TNRC6C: variants seen among roughly 807,000 people sequenced by gnomAD.
TNRC6C encodes the protein trinucleotide repeat-containing gene 6C protein.
Under a neutral mutation model 153.7 loss-of-function variants are expected in TNRC6C, and 20 were observed. The ratio of observed to expected loss-of-function variants is 0.13; its 90% CI spans 0.09 to 0.19. TNRC6C has a LOEUF of 0.19. Among genes scored for constraint, TNRC6C ranks in the 10% least tolerant of loss-of-function variants. The pLI is 1.00. For synonymous variants in TNRC6C, 811 were observed against 841.4 expected (o/e 0.96, Z 0.63); for missense variants, 1,987 against 2,172.0 (o/e 0.91, Z 1.69).
chr17:78,050,887 T>C (rs2072515856), exon 3 of TNRC6C: 1 of 1,613,608 alleles, frequency 6.2e-7, no homozygotes, highest in Non-Finnish European at 8.5e-7. Context: ...CCTTGGACAC[T>C]TGGGGGATGG....
In TNRC6C at chr17:78,079,597, T is replaced by C; in HGVS notation, c.3357+56T>C. 1 of 1,591,724 alleles carries C rather than the reference T, an allele frequency of 6.3e-7. No individual in the cohort carries two copies. Among genetic ancestry groups the C allele is most frequent in the Non-Finnish European group, 8.6e-7 (1 of 1,163,558 alleles). ...ACAGGATATAGATGCCAGTGTTTCG[T>C]GGGGTCCTGTGTTATCTGGAAGTCA... is the stretch of plus-strand genomic sequence containing the variant. On this transcript the variant is annotated intron_variant, in intron 10 of 19. Coordinates refer to ENST00000301624, the Ensembl canonical transcript of TNRC6C. This position sits in a 1 kb window ranked among gnomAD's most constrained non-coding sequence, Gnocchi z 4.3.
chr17:78,033,090 G>A (rs992878800), intron 2 of TNRC6C, among the ~76,000 whole-genome samples: 1 of 152,142 alleles, frequency 6.6e-6, no homozygotes, highest in Non-Finnish European at 1.5e-5. Context: ...TAAATAGCTT[G>A]GTGTTTTAAT....
upstream of TNRC6C, among the ~76,000 whole-genome samples, chr17:78,000,611 T>TTCCTCCCCCC (rs2071395738): frequency 3.4e-5 from 1 of 29,196 alleles, no homozygotes. Context: ...TCTCTCTTTC[T>TTCCTCCCCCC]CCCTCCGCCC....
chr17:78,009,304 T>A (rs2071579751), intron 1 of TNRC6C, among the ~76,000 whole-genome samples: 2 of 152,300 alleles, frequency 1.3e-5, no homozygotes, highest in East Asian at 3.9e-4. Flanking sequence ...ATTTGTGATA[T>A]GATGACCTTG....
rs1474222365 is a variant in TNRC6C, at chr17:78,079,936, C to CCA, written c.3357+395_3357+396insCA. Reference sequence around the variant, plus strand: ...AGATTGGTGGGAGAGGAAAGTGACACGCTGTAGTATTGCTGAGGATGTAAA... The same window carrying CCA: ...AGATTGGTGGGAGAGGAAAGTGACACCAGCTGTAGTATTGCTGAGGATGTAAA... On this transcript the variant is annotated intron_variant, in intron 10 of 19. Transcript: ENST00000301624. This position sits in a 1 kb window ranked among gnomAD's most constrained non-coding sequence, Gnocchi z 4.3. Among the ~76,000 whole-genome samples the CCA allele has an allele frequency of 6.6e-6, 1 of 152,138 alleles. No homozygotes were observed. Among genetic ancestry groups the CCA allele is most frequent in the African/African-American group, 2.4e-5 (1 of 41,430 alleles).
intron 2 of TNRC6C, among the ~76,000 whole-genome samples, chr17:78,033,993 T>C (rs1364814448): frequency 1.3e-5 from 2 of 152,214 alleles, no homozygotes; most frequent in East Asian, 3.9e-4. Context: ...TCTCTCTGGC[T>C]GTGAAGGCCC....
chr17:78,052,563 C>A (rs998087886), intron 3 of TNRC6C, among the ~76,000 whole-genome samples: 1 of 152,150 alleles, frequency 6.6e-6, no homozygotes, highest in Admixed American at 6.5e-5. Context: ...GGTCTGCATG[C>A]GGGGGCCACT....
At chr17:78,094,913 T>C (rs898768368) in intron 16 of TNRC6C, among the ~76,000 whole-genome samples, 1 of 152,190 alleles carries the variant, frequency 6.6e-6, no homozygotes, top group African/African-American at 2.4e-5. Flanking sequence ...GTGTCCCTGC[T>C]GTCAGACACA....
upstream of TNRC6C, among the ~76,000 whole-genome samples, chr17:77,959,028 G>A (rs1437539501): frequency 6.9e-6 from 1 of 144,936 alleles, no homozygotes; most frequent in Non-Finnish European, 1.5e-5. Context: ...GACGCGTCGC[G>A]GCGTTGCCGG....
intron 11 of TNRC6C, among the ~76,000 whole-genome samples, chr17:78,085,002 A>G (rs1037147998): frequency 1.3e-5 from 2 of 152,198 alleles, no homozygotes; most frequent in African/African-American, 4.8e-5. Context: ...GAGGCAGTGC[A>G]CATGTGCAGT....
chr17:78,000,432 G>C (rs1203206940), upstream of TNRC6C, among the ~76,000 whole-genome samples: 1 of 152,040 alleles, frequency 6.6e-6, no homozygotes, highest in South Asian at 2.1e-4. Flanking sequence ...AATAAATTAA[G>C]ACCATAACTA....
In TNRC6C at chr17:78,075,090, C is replaced by T. The variant is rs2073060833; in HGVS notation, c.2918-46C>T. The T allele has an allele frequency of 3.1e-6, 5 of 1,600,546 alleles. No individual in the cohort carries two copies. Among genetic ancestry groups the T allele is most frequent in the East Asian group, 2.2e-5 (1 of 44,458 alleles). ...GCTGGTGCCTATCTTGTGCTCAGCA[C>T]TCACTTGTTTTGTTTACAACATTGC... On this transcript the variant is annotated intron_variant, in intron 7 of 19. Transcript: ENST00000301624. The surrounding 1 kb of genome is among the most constrained non-coding windows in gnomAD (Gnocchi z 4.2).
intron 1 of TNRC6C, among the ~76,000 whole-genome samples, chr17:77,969,555 C>T (rs922539227): frequency 6.6e-6 from 1 of 152,082 alleles, no homozygotes; most frequent in African/African-American, 2.4e-5. Flanking sequence ...CGGCAATTTC[C>T]ATTATCTTTA....
intron 1 of TNRC6C, among the ~76,000 whole-genome samples, chr17:77,973,460 A>T (rs1167076615): frequency 6.6e-6 from 1 of 152,374 alleles, no homozygotes; most frequent in Non-Finnish European, 1.5e-5. Context: ...GTTCAATGCT[A>T]TTCAGCACTG....
intron 1 of TNRC6C, among the ~76,000 whole-genome samples, chr17:77,961,653 T>C (rs1427073030): frequency 2.0e-5 from 3 of 152,218 alleles, no homozygotes; most frequent in African/African-American, 4.8e-5. Context: ...GAGTAGCATA[T>C]GTCTTAACAC....
upstream of TNRC6C, among the ~76,000 whole-genome samples, chr17:78,002,473 T>C (rs1200238172): frequency 5.3e-5 from 8 of 152,374 alleles, no homozygotes; most frequent in East Asian, 1.5e-3. Flanking sequence ...CTTGTCAAAT[T>C]CTCACTGCAT....
At chr17:77,960,935 C>A (rs1042259274) in intron 1 of TNRC6C, among the ~76,000 whole-genome samples, 1 of 152,110 alleles carries the variant, frequency 6.6e-6, no homozygotes, top group Non-Finnish European at 1.5e-5. Context: ...TATTTATTTT[C>A]ATAAGAATAG....
chr17:77,985,615 A>AAAAAAAAAAAAG (rs2071154785), intron 1 of TNRC6C, among the ~76,000 whole-genome samples: 1 of 151,840 alleles, frequency 6.6e-6, no homozygotes, highest in Non-Finnish European at 1.5e-5. Context: ...AAAAAAAAAA[A>AAAAAAAAAAAAG]ACCAGCAACT....
At chr17:78,019,041 T>G (rs2143517833) in intron 1 of TNRC6C, among the ~76,000 whole-genome samples, 1 of 152,234 alleles carries the variant, frequency 6.6e-6, no homozygotes, top group African/African-American at 2.4e-5. Flanking sequence ...TGGAAATGAC[T>G]GAAGGTTGGG....
Sources: allele counts gnomAD v4.1 joint callset (sites outside exome capture counted in the v4.1 genomes callset), GRCh38; gene constraint gnomAD v4.1.1; non-coding constraint Gnocchi (gnomAD v3.1); transcripts MANE v1.5; gene names NCBI Gene and HGNC (gene_info 2026-07-23, HGNC 2026-07-21).